MTRF1: variants seen among roughly 807,000 people sequenced by gnomAD.
MTRF1 encodes mitochondrial translation release factor 1, also known as peptide chain release factor 1, mitochondrial.
In MTRF1, 51 loss-of-function variants were observed where a neutral mutation model predicts 62.9. The ratio of observed to expected loss-of-function variants is 0.81; its 90% CI spans 0.65 to 1.02. The LOEUF (loss-of-function observed/expected upper bound fraction) is 1.02. Ranked by LOEUF, MTRF1 falls within the 50% of genes least tolerant of loss-of-function variation. The pLI is 0.00. For synonymous variants in MTRF1, 158 were observed against 181.9 expected, an observed-to-expected ratio of 0.87 and a Z score of 1.06; for missense variants, 446 against 530.0, an observed-to-expected ratio of 0.84 and a Z score of 1.56.
chr13:41,260,813 T>G lies in MTRF1; in HGVS notation c.95A>C (p.Gln32Pro), dbSNP rs767603349. 6 of 1,614,184 alleles carry G rather than the reference T, an allele frequency of 3.7e-6. No individual in the cohort carries two copies. The highest frequency in any genetic ancestry group is 5.1e-6 in the Non-Finnish European group (6 of 1,179,992). Residue 32 changes from glutamine to proline, a missense_variant, in exon 2 of 10, where the codon CAG becomes CCG. Transcript: ENST00000379480. The part of the protein sequence containing the change: ...HIQLHSHQFR[Q>P]IHLDTRLQVF... ...TTGCAGCCTTGTATCAAGATGTATC[T>G]GTCTAAATTGATGAGAATGGAGCTG...
intron 8 of MTRF1, among the ~76,000 whole-genome samples, chr13:41,225,654 T>C (rs2034271808): frequency 6.6e-6 from 1 of 151,712 alleles, no homozygotes; most frequent in African/African-American, 2.4e-5. Flanking sequence ...TTTAAATTAC[T>C]GTAGCATAGC....
chr13:41,277,860 C>T, the MTRF1 span, among the ~76,000 whole-genome samples: 1 of 152,182 alleles, frequency 6.6e-6, no homozygotes, highest in Non-Finnish European at 1.5e-5. Context: ...GGGCTGCCAG[C>T]CATCAGTCAA....
intron 2 of MTRF1, among the ~76,000 whole-genome samples, chr13:41,254,877 T>C (rs2039512322): frequency 6.6e-6 from 1 of 152,086 alleles, no homozygotes; most frequent in Non-Finnish European, 1.5e-5. Context: ...TAAAATAGCT[T>C]AAAACATTTC....
chr13:41,290,472 C>T, the MTRF1 span, among the ~76,000 whole-genome samples: 2 of 151,236 alleles, frequency 1.3e-5, no homozygotes, highest in African/African-American at 4.9e-5. Flanking sequence ...CGGCTCACTG[C>T]AACCTCTGCT....
the MTRF1 span, among the ~76,000 whole-genome samples, chr13:41,273,318 T>A: frequency 7.4e-6 from 1 of 135,990 alleles, no homozygotes; most frequent in Non-Finnish European, 1.6e-5. Context: ...AGAGCGAGAC[T>A]CCGTCTCAAA....
At chr13:41,246,251 T>C (rs2038244459) in intron 5 of MTRF1, among the ~76,000 whole-genome samples, 1 of 152,116 alleles carries the variant, frequency 6.6e-6, no homozygotes, top group East Asian at 1.9e-4. Flanking sequence ...TGGTTTGTTT[T>C]GGGGTTTTGT....
Position 41,226,292 on chromosome 13 carries a change from A to G in MTRF1, c.1125+140T>C, listed in dbSNP as rs117264806. The stretch of plus-strand genomic sequence containing the variant: ...ATAACCCATCAGTTCATTTGTACTG[A>G]GTTACTGCTTATTTACAAAGGAGCA... On this transcript the variant is annotated intron_variant, in intron 8 of 9. Transcript: ENST00000379480. 2.5e-3 allele frequency: 2,119 copies of G among 852,196 alleles called. 34 individuals are homozygous for G. The East Asian group carries it at 0.039, about 16-fold the overall frequency. 52.8% of individuals were successfully genotyped at this position (852,196 alleles called of 1,614,324 possible).
the MTRF1 span, among the ~76,000 whole-genome samples, chr13:41,272,866 G>A: frequency 6.6e-6 from 1 of 152,096 alleles, no homozygotes; most frequent in African/African-American, 2.4e-5. Flanking sequence ...GGGGGCAGGG[G>A]GTGGGTAGTT....
At chr13:41,230,726 CTTT>C (rs571291052) in intron 7 of MTRF1, among the ~76,000 whole-genome samples, 2 of 144,450 alleles carry the variant, frequency 1.4e-5, no homozygotes. Context: ...GATGGTTTCC[CTTT>C]TTTTTTTTTT....
upstream of MTRF1, among the ~76,000 whole-genome samples, chr13:41,267,973 G>A (rs1270275141): frequency 2.0e-5 from 3 of 151,932 alleles, no homozygotes; most frequent in East Asian, 5.8e-4. Flanking sequence ...GTAAAGAAGG[G>A]GTTTCATCAT....
At chr13:41,270,991 G>T in the MTRF1 span, among the ~76,000 whole-genome samples, 1 of 151,326 alleles carries the variant, frequency 6.6e-6, no homozygotes, top group East Asian at 1.9e-4. Flanking sequence ...CACCCGCTTT[G>T]GCCTCCCAAA....
chr13:41,223,129 G>T, intron 9 of MTRF1, 127 bp downstream of exon 9: 1 of 577,936 alleles, frequency 1.7e-6, no homozygotes, highest in Non-Finnish European at 2.9e-6. Context: ...ATTTTAGGGT[G>T]GCTTAATGAT....
rs940449560 is a variant in MTRF1, at chr13:41,263,256, T to A, written c.-9+229A>T. 46 of 1,288,268 alleles carry A rather than the reference T, an allele frequency of 3.6e-5. No individual in the cohort carries two copies. The African/African-American group carries it at 6.4e-4, about 18-fold the overall frequency. The allele number at this position is 1,288,268 out of a possible 1,614,324, so 79.8% of individuals were successfully genotyped here. ...AAACAAAACAAAACAAGATGTTTAC[T>A]CTCCAAGGTTAACTACACCTGAGAA... On this transcript the variant is annotated intron_variant, in intron 1 of 9. Transcript: ENST00000379480.
At chr13:41,242,382 A>G (rs1593850905) in intron 5 of MTRF1, among the ~76,000 whole-genome samples, 1 of 152,078 alleles carries the variant, frequency 6.6e-6, no homozygotes, top group Middle Eastern at 3.4e-3. Context: ...ATATTCCAGG[A>G]TTATCTTGAA....
intron 1 of MTRF1, chr13:41,261,485 T>C (rs189871402): frequency 6.6e-6 from 1 of 152,360 alleles, no homozygotes; most frequent in East Asian, 1.9e-4. Flanking sequence ...AACTAACAAA[T>C]ATATCAATTG....
chr13:41,263,476 T>A lies in MTRF1; in HGVS notation c.-9+9A>T, dbSNP rs138380275. ...GCGGCGGGGAAGATCAGGAAAGAAC[T>A]GTGAGTACCTAAGAAAAAGAAGAAT... On this transcript the variant is annotated intron_variant, in intron 1 of 9. Transcript: ENST00000379480. The A allele has an allele frequency of 9.3e-6, 3 of 323,316 alleles. No homozygotes were observed. The East Asian group carries it at 2.5e-4, about 27-fold the overall frequency. The allele number at this position is 323,316 out of a possible 1,614,324, so 20.0% of individuals were successfully genotyped here. A position where few individuals can be genotyped will look rare whatever the true frequency, so the allele number is the denominator to read the frequency against.
chr13:41,264,267 CAT>C (rs201926482), upstream of MTRF1, among the ~76,000 whole-genome samples: 770 of 152,228 alleles, frequency 5.1e-3, 16 homozygotes, highest in Admixed American at 0.039. Context: ...TGTATTTCCA[CAT>C]GTTAGTGATT....
chr13:41,297,257 A>G, the MTRF1 span, among the ~76,000 whole-genome samples: 3 of 152,226 alleles, frequency 2.0e-5, no homozygotes, highest in Non-Finnish European at 2.9e-5. Context: ...ACATCTCCCT[A>G]CAAAGACATT....
At chr13:41,259,398 A>G (rs898390335) in intron 2 of MTRF1, among the ~76,000 whole-genome samples, 1 of 152,218 alleles carries the variant, frequency 6.6e-6, no homozygotes, top group Non-Finnish European at 1.5e-5. Context: ...TAATTCAGTA[A>G]TGAAAAGAAA....
Sources: allele counts gnomAD v4.1 joint callset (sites outside exome capture counted in the v4.1 genomes callset), GRCh38; gene constraint gnomAD v4.1.1; transcripts MANE v1.5; gene names NCBI Gene and HGNC (gene_info 2026-07-23, HGNC 2026-07-21).